Variants in CACNA1C observed in about 807,000 individuals in gnomAD.
CACNA1C encodes calcium voltage-gated channel subunit alpha1 C.
CACNA1C carries 30 observed loss-of-function variants against 229.0 expected under a neutral mutation model. That is an observed-to-expected ratio of 0.13 (90% CI 0.10 to 0.18). The LOEUF (loss-of-function observed/expected upper bound fraction) is 0.18. CACNA1C is among the 10% of genes least tolerant of loss of function. The pLI is 1.00. For missense variants in CACNA1C, 1,658 were observed against 2,845.0 expected (o/e 0.58, Z 9.49); for synonymous variants, 1,114 against 1,132.5 (o/e 0.98, Z 0.33).
intron 30 of CACNA1C, among the ~76,000 whole-genome samples, chr12:2,643,991 G>C (rs1034055594): frequency 6.6e-6 from 1 of 152,178 alleles, no homozygotes; most frequent in Non-Finnish European, 1.5e-5. Flanking sequence ...CATGGGGAGG[G>C]GGTACTGGCT....
chr12:2,641,105 T>C (rs1418419467), intron 30 of CACNA1C, among the ~76,000 whole-genome samples: 1 of 152,142 alleles, frequency 6.6e-6, no homozygotes, highest in Non-Finnish European at 1.5e-5. Context: ...ATAGCTGTGA[T>C]GAGGAAGGAG....
intron 9 of CACNA1C, among the ~76,000 whole-genome samples, chr12:2,523,589 G>GGA (rs1568211838): frequency 6.6e-6 from 1 of 152,160 alleles, no homozygotes; most frequent in African/African-American, 2.4e-5. Context: ...CCCCGGGGGG[G>GGA]ATCACTGACA....
chr12:2,582,635 C>T (rs1006790974), intron 14 of CACNA1C, among the ~76,000 whole-genome samples, 187 bp from the exon 15 acceptor site: 1 of 152,172 alleles, frequency 6.6e-6, no homozygotes, highest in African/African-American at 2.4e-5. Context: ...AATAGCCAGG[C>T]ATTTTGTCTA....
chr12:1,991,710 A>G (rs1271155084), intron 1 of CACNA1C: 4 of 158,438 alleles, frequency 2.5e-5, no homozygotes, highest in African/African-American at 9.6e-5. Context: ...TATTAGATCT[A>G]AATAGTATTT....
At chr12:1,988,452 A>G (rs1416232532) in intron 1 of CACNA1C, among the ~76,000 whole-genome samples, 1 of 152,224 alleles carries the variant, frequency 6.6e-6, no homozygotes, top group Non-Finnish European at 1.5e-5. Flanking sequence ...ACATATTACC[A>G]TTCTGCAGGG....
At chr12:2,026,788 A>T (rs2047404450) in intron 1 of CACNA1C, among the ~76,000 whole-genome samples, 1 of 152,368 alleles carries the variant, frequency 6.6e-6, no homozygotes, top group African/African-American at 2.4e-5. Context: ...TTTACTGTGT[A>T]CAAGACTTTG....
Position 2,512,992 on chromosome 12 carries a change from G to A in CACNA1C, c.1390+8G>A. 6.3e-7 allele frequency: 1 copy of A among 1,591,136 alleles called. No individual in the cohort carries two copies. Among genetic ancestry groups the A allele is most frequent in the Non-Finnish European group, 8.6e-7 (1 of 1,168,296 alleles). On this transcript the variant is annotated splice_region_variant and intron_variant, in intron 9 of 46. Transcript: ENST00000399655. The surrounding 1 kb of genome is among the most constrained non-coding windows in gnomAD (Gnocchi z 4.3). ...AGGAGAAGCCCCGAAACAGTGAGCAGCCGTCTTCTTCTGTGTTTGGGCTGG... is the reference window on the plus strand; with the variant it reads ...AGGAGAAGCCCCGAAACAGTGAGCAACCGTCTTCTTCTGTGTTTGGGCTGG...
chr12:2,097,876 G>A (rs765321698), intron 1 of CACNA1C, among the ~76,000 whole-genome samples: 3 of 152,246 alleles, frequency 2.0e-5, no homozygotes, highest in Non-Finnish European at 4.4e-5. Flanking sequence ...CCAGGCACCA[G>A]ACAACTGGGA....
In CACNA1C at chr12:1,971,638, T is replaced by C. The variant is rs2032321189; in HGVS notation, c.139+437T>C. On this transcript the variant is annotated intron_variant, in intron 1 of 46. Coordinates refer to the CACNA1C transcript ENST00000682462. The surrounding 1 kb of genome is among the most constrained non-coding windows in gnomAD (Gnocchi z 4.2). Reference sequence around the variant, plus strand: ...CTTCAGTGGAAAAACCAAAAGCTGGTCAAATTTTAAGAGGCTAGTTAAGGG... The same window carrying C: ...CTTCAGTGGAAAAACCAAAAGCTGGCCAAATTTTAAGAGGCTAGTTAAGGG... 6.6e-6 allele frequency among the ~76,000 whole-genome samples: 1 copy of C among 152,200 alleles called. No individual in the cohort carries two copies. Among genetic ancestry groups the C allele is most frequent in the Non-Finnish European group, 1.5e-5 (1 of 68,028 alleles).
intron 3 of CACNA1C, among the ~76,000 whole-genome samples, chr12:2,202,441 T>C (rs1206288629): frequency 6.6e-6 from 1 of 152,252 alleles, no homozygotes; most frequent in Non-Finnish European, 1.5e-5. Flanking sequence ...ACTGGAGAAC[T>C]AAGTAGTAGT....
intron 14 of CACNA1C, 36 bp from the exon 15 acceptor site, chr12:2,582,786 C>T (rs982516171): frequency 4.3e-6 from 7 of 1,611,138 alleles, no homozygotes; most frequent in Admixed American, 3.3e-5. Flanking sequence ...GTTGGTCTAA[C>T]GCTGTGTCCC....
At chr12:2,266,865 A>G (rs1412026270) in intron 3 of CACNA1C, among the ~76,000 whole-genome samples, 1 of 152,114 alleles carries the variant, frequency 6.6e-6, no homozygotes, top group Admixed American at 6.5e-5. Flanking sequence ...CTGCCTAGGG[A>G]AATGTACTTA....
intron 4 of CACNA1C, among the ~76,000 whole-genome samples, chr12:2,452,146 C>T (rs534065979): frequency 1.3e-5 from 2 of 152,306 alleles, no homozygotes; most frequent in African/African-American, 4.8e-5. Flanking sequence ...GAGCCTAACT[C>T]ACCCTAGAGA....
chr12:2,268,672 A>T (rs2083427837), intron 3 of CACNA1C, among the ~76,000 whole-genome samples: 1 of 152,010 alleles, frequency 6.6e-6, no homozygotes, highest in African/African-American at 2.4e-5. Flanking sequence ...TGAGCCTGGG[A>T]GCATCGTGGG....
intron 8 of CACNA1C, among the ~76,000 whole-genome samples, chr12:2,505,353 T>G (rs1480535763): frequency 2.0e-5 from 3 of 152,220 alleles, no homozygotes; most frequent in Non-Finnish European, 4.4e-5. Flanking sequence ...ATCTCTGAGT[T>G]TCCTTTTCTG....
intron 9 of CACNA1C, among the ~76,000 whole-genome samples, chr12:2,538,949 C>T (rs1341165393): frequency 1.3e-5 from 2 of 152,216 alleles, no homozygotes; most frequent in Non-Finnish European, 2.9e-5. Context: ...GCCCCTGCAC[C>T]ACCAGCTCTC....
At chr12:2,386,344 C>T (rs770603959) in intron 3 of CACNA1C, among the ~76,000 whole-genome samples, 11 of 152,156 alleles carry the variant, frequency 7.2e-5, no homozygotes, top group Non-Finnish European at 1.5e-4. Flanking sequence ...TGAGAAGCAC[C>T]AGCCAGGATC....
At chr12:2,064,674 G>C (rs1291357201) in intron 1 of CACNA1C, among the ~76,000 whole-genome samples, 1 of 152,230 alleles carries the variant, frequency 6.6e-6, no homozygotes, top group Non-Finnish European at 1.5e-5. Flanking sequence ...GAAGCGAGCA[G>C]TGGGTAGACA....
chr12:2,097,042 T>A (rs1414655412), intron 1 of CACNA1C, among the ~76,000 whole-genome samples: 1 of 152,272 alleles, frequency 6.6e-6, no homozygotes, highest in Non-Finnish European at 1.5e-5. Flanking sequence ...TGGACATGGG[T>A]GTACAAGTAT....
Sources: allele counts gnomAD v4.1 joint callset (sites outside exome capture counted in the v4.1 genomes callset), GRCh38; gene constraint gnomAD v4.1.1; non-coding constraint Gnocchi (gnomAD v3.1); transcripts MANE v1.5; gene names NCBI Gene and HGNC (gene_info 2026-07-23, HGNC 2026-07-21).